MNS1: variants seen among roughly 807,000 people sequenced by gnomAD.
The protein encoded by MNS1 is meiosis-specific nuclear structural protein 1.
MNS1 carries 63 observed loss-of-function variants against 72.0 expected under a neutral mutation model. The ratio of observed to expected loss-of-function variants is 0.87; its 90% CI spans 0.71 to 1.08. The LOEUF is 1.08. Among genes scored for constraint, MNS1 ranks in the 50% least tolerant of loss-of-function variants. The pLI, the probability that MNS1 is intolerant of heterozygous loss-of-function variation, is 0.00. For missense variants in MNS1, 604 were observed against 562.4 expected (o/e 1.07, Z -0.75); for synonymous variants, 188 against 172.1 (o/e 1.09, Z -0.72).
chr15:56,450,352 A>C (rs571128929), intron 3 of MNS1, among the ~76,000 whole-genome samples: 1 of 152,232 alleles, frequency 6.6e-6, no homozygotes, highest in South Asian at 2.1e-4. Context: ...AACCATCAAC[A>C]CTATTTCCAA....
At chr15:56,455,373 G>T (rs2050975425) in intron 3 of MNS1, among the ~76,000 whole-genome samples, 1 of 151,814 alleles carries the variant, frequency 6.6e-6, no homozygotes, top group Non-Finnish European at 1.5e-5. Flanking sequence ...AATTTCTAAG[G>T]ATCGGTAATC....
rs1440980813 is a variant in MNS1 at position 56,443,723 on chromosome 15, A to T, written c.818T>A (p.Phe273Tyr). The T allele has an allele frequency of 1.9e-6, 3 of 1,613,176 alleles. No homozygotes were observed. The highest frequency in any genetic ancestry group is 2.5e-6 in the Non-Finnish European group (3 of 1,179,656). ...MEEENRKIIE[F>Y]ANMQQQREED... is the part of the protein sequence containing the mutation. ...TTCTCTTTGCTGCTGCATGTTAGCA[A>T]ACTCTATGATTTTTCTGTTTTCTTC... Residue 273 changes from phenylalanine to tyrosine, a missense_variant, in exon 6 of 10, where the codon TTT becomes TAT. Phe to Tyr is a conservative substitution (Grantham distance 22). Coordinates refer to ENST00000260453, the MANE Select transcript of MNS1 (RefSeq NM_018365.4).
Position 56,429,200 on chromosome 15 carries a change from G to C in MNS1, c.1396-7C>G. 6.4e-7 allele frequency: 1 copy of C among 1,565,952 alleles called. No individual in the cohort carries two copies. Among genetic ancestry groups the C allele is most frequent in the Non-Finnish European group, 8.7e-7 (1 of 1,151,326 alleles). ...CCTCTTTTTTAAATACTCCCTACGA[G>C]AAAAATACTTTGTGGGTTACTTTTG... On this transcript the variant is annotated splice_polypyrimidine_tract_variant and splice_region_variant and intron_variant, in intron 9 of 9. Transcript: ENST00000260453.
intron 2 of MNS1, among the ~76,000 whole-genome samples, chr15:56,461,998 T>G (rs12905070): frequency 0.055 from 7,735 of 140,452 alleles, 538 homozygotes; most frequent in East Asian, 0.31. Context: ...TTTTTTTTTT[T>G]TTTTTTTTTT....
chr15:56,444,942 A>G (rs948736134), intron 4 of MNS1, among the ~76,000 whole-genome samples: 47 of 152,068 alleles, frequency 3.1e-4, no homozygotes, highest in African/African-American at 1.0e-3. Context: ...TCAAAAAACA[A>G]TGAATACAAT....
intron 5 of MNS1, 38 bp from the exon 6 acceptor site, chr15:56,443,892 A>T (rs76205099): frequency 1.4e-6 from 2 of 1,391,666 alleles, no homozygotes; most frequent in Non-Finnish European, 1.9e-6. Flanking sequence ...ATAGTAAACA[A>T]TAAAATATAA....
rs540865361 is a variant in MNS1, at chr15:56,442,620, A to G, written c.1011+810T>C. Among the ~76,000 whole-genome samples, 9 of 152,354 alleles carry G rather than the reference A, an allele frequency of 5.9e-5. No homozygotes were observed. In the South Asian group the frequency reaches 1.9e-3, roughly 32 times the overall value. On this transcript the variant is annotated intron_variant, in intron 7 of 9. Transcript: ENST00000260453. ...GGATGGAGCTGGAGGCCATTAGCCT[A>G]TGCTAATTAATGCAGGGATAGAAAA...
At chr15:56,438,671 G>A (rs1041502820) in intron 7 of MNS1, among the ~76,000 whole-genome samples, 9 of 152,104 alleles carry the variant, frequency 5.9e-5, no homozygotes, top group South Asian at 2.1e-4. Context: ...AAGAGCTTCC[G>A]CACAGCAAAA....
At position 56,443,503 on chromosome 15, in the gene MNS1, C is replaced by T. The variant is rs111585871; in HGVS notation, c.938G>A (p.Arg313His). 3.6e-5 allele frequency: 57 copies of T among 1,600,740 alleles called. No homozygotes were observed. Among genetic ancestry groups the T allele is most frequent in the Admixed American group, 5.2e-5 (3 of 57,518 alleles). Residue 313 changes from arginine (R) to histidine (H), a missense_variant, in exon 7 of 10, where the codon CGT (arginine) becomes CAT (histidine). Coordinates refer to ENST00000260453, the MANE Select transcript of MNS1 (RefSeq NM_018365.4). ...TTGTCGCACTTGTTCCAAATCTTCA[C>T]GTTGCCGCAGCATTTCTTCTAATTT... ...TQKLEEMLRQ[R>H]EDLEQVRQEL...
At chr15:56,460,034 ATG>A (rs200317174) in intron 2 of MNS1, among the ~76,000 whole-genome samples, 3,130 of 104,078 alleles carry the variant, frequency 0.03, 234 homozygotes, top group Middle Eastern at 0.049. Context: ...ATATATATAT[ATG>A]TGACTATAGT....
chr15:56,456,123 T>G (rs1300167591), intron 3 of MNS1, among the ~76,000 whole-genome samples: 1 of 152,134 alleles, frequency 6.6e-6, no homozygotes, highest in East Asian at 1.9e-4. Flanking sequence ...TAGGAATTCA[T>G]TTTTTATAAG....
At chr15:56,451,337 G>C (rs2050945650) in intron 3 of MNS1, among the ~76,000 whole-genome samples, 1 of 152,230 alleles carries the variant, frequency 6.6e-6, no homozygotes, top group South Asian at 2.1e-4. Context: ...TGAGCTAGGA[G>C]GGAATGAGGA....
rs1237536446 is a variant in MNS1 at position 56,428,897 on chromosome 15, T to TTTGAAA, written c.*198_*203dup. 9 of 506,352 alleles carry TTTGAAA rather than the reference T, an allele frequency of 1.8e-5. No individual in the cohort carries two copies. Among genetic ancestry groups the TTTGAAA allele is most frequent in the Non-Finnish European group, 2.8e-5 (8 of 290,844 alleles). 31.4% of individuals were successfully genotyped at this position (506,352 alleles called of 1,614,324 possible). The stretch of plus-strand genomic sequence containing the variant: ...CTCTGTAGTGTTGTAGAAATCGGAT[T>TTTGAAA]TTGAAATTATCAGTACAAAAATAAC... On this transcript the variant is annotated 3_prime_UTR_variant, in exon 10 of 10. Coordinates refer to ENST00000260453, the MANE Select transcript of MNS1 (RefSeq NM_018365.4).
chr15:56,454,890 C>A (rs1490452733), intron 3 of MNS1, among the ~76,000 whole-genome samples: 1 of 152,088 alleles, frequency 6.6e-6, no homozygotes, highest in Non-Finnish European at 1.5e-5. Context: ...CTAATAAAAT[C>A]TAATTCTGTA....
chr15:56,428,847 CTT>C lies in MNS1; in HGVS notation c.*252_*253del. ...GTATTAGTCAAGGTAAATATACTGTCTTGAGGATGGGGATGCAAACAGTGCTC... is the reference window on the plus strand; with the variant it reads ...GTATTAGTCAAGGTAAATATACTGTCGAGGATGGGGATGCAAACAGTGCTC... On this transcript the variant is annotated 3_prime_UTR_variant, in exon 10 of 10. Transcript: ENST00000260453. The C allele has an allele frequency of 2.4e-6, 1 of 420,802 alleles. No homozygotes were observed. 26.1% of individuals were successfully genotyped at this position (420,802 alleles called of 1,614,324 possible). A position where few individuals can be genotyped will look rare whatever the true frequency, so the allele number is the denominator to read the frequency against.
At chr15:56,432,725 A>G (rs1220484932) in intron 8 of MNS1, among the ~76,000 whole-genome samples, 2 of 152,180 alleles carry the variant, frequency 1.3e-5, no homozygotes, top group Non-Finnish European at 2.9e-5. Flanking sequence ...CTATCCAAGT[A>G]CTAACCAGGC....
intron 7 of MNS1, among the ~76,000 whole-genome samples, chr15:56,441,428 C>T (rs77114047): frequency 0.029 from 4,466 of 152,036 alleles, 243 homozygotes; most frequent in African/African-American, 0.1. Context: ...CGATATCCTG[C>T]GGTTCTGACT....
chr15:56,457,294 G>A (rs1338577158), intron 2 of MNS1, among the ~76,000 whole-genome samples: 4 of 152,040 alleles, frequency 2.6e-5, no homozygotes, highest in Non-Finnish European at 5.9e-5. Context: ...AAGATCTAGA[G>A]GCTTGATTAA....
chr15:56,453,690 A>G (rs2050962533), intron 3 of MNS1, among the ~76,000 whole-genome samples: 1 of 152,170 alleles, frequency 6.6e-6, no homozygotes, highest in African/African-American at 2.4e-5. Flanking sequence ...TTAAAATAGG[A>G]TTTCTAAAAA....
Sources: gnomAD v4.1 joint callset for allele counts (sites outside exome capture counted in the v4.1 genomes callset) on GRCh38, gnomAD v4.1.1 for gene constraint, MANE v1.5 for transcripts, NCBI Gene and HGNC (gene_info 2026-07-23, HGNC 2026-07-21) for gene names.